Variants in AP3B2 observed in about 807,000 individuals in gnomAD.
The protein encoded by AP3B2 is AP-3 complex subunit beta-2.
AP3B2 carries 50 observed loss-of-function variants against 126.9 expected under a neutral mutation model. The observed-to-expected ratio is 0.39, with a 90% CI of 0.31 to 0.50. AP3B2 has a LOEUF of 0.50. Ranked by LOEUF, AP3B2 falls within the 20% of genes least tolerant of loss-of-function variation. The probability of loss-of-function intolerance (pLI) is 0.79; values close to 1 mark genes in which losing one functional copy is unlikely to be tolerated. For synonymous variants in AP3B2, 541 were observed against 565.0 expected (o/e 0.96, Z 0.60); for missense variants, 1,177 against 1,426.4 (o/e 0.83, Z 2.82).
Position 82,662,696 on chromosome 15 carries a change from A to C in AP3B2, c.2831T>G (p.Ile944Ser), listed in dbSNP as rs2047973681. ...ACCCCATCCAAAGCCCTTCGCACCA[A>C]TTTCGGGAAATTCTTGGATGCTGAT... ...AGISIQEFPE[I>S]ESLAPGESAT... The change falls in exon 23 of 27, where the codon ATT becomes AGT. Residue 944 changes from isoleucine (I) to serine (S), a missense_variant and splice_region_variant. By Grantham distance (142) the Ile-to-Ser change is moderately radical. Around this residue, in one of 5 missense-constraint regions of AP3B2, gnomAD observed 587 missense variants for 571.3 expected, o/e 1.03. Transcript: ENST00000535359. The C allele has an allele frequency of 6.2e-7, 1 of 1,611,798 alleles. No homozygotes were observed.
chr15:82,661,752 C>A, intron 25 of AP3B2, 73 bp downstream of exon 25: 2 of 1,296,434 alleles, frequency 1.5e-6, no homozygotes, highest in South Asian at 1.3e-5. Flanking sequence ...ACCATTCTCC[C>A]TACCATCCAA....
chr15:82,696,849 A>T (rs1038031814), intron 1 of AP3B2, among the ~76,000 whole-genome samples: 4 of 152,196 alleles, frequency 2.6e-5, no homozygotes, highest in Non-Finnish European at 5.9e-5. Flanking sequence ...CATGAAAAAA[A>T]TGTGTCTATA....
At position 82,663,794 on chromosome 15, in the gene AP3B2, C is replaced by T. The variant is rs1172927972; in HGVS notation, c.2436+7G>A. 3.7e-6 allele frequency: 6 copies of T among 1,610,914 alleles called. No homozygotes were observed. The South Asian group carries it at 6.6e-5, about 18-fold the overall frequency. ...AGCACACCCTGACTCTGCCCCAAGG[C>T]TCTCACTGTTTTCCTGCTCCAGGAG... On this transcript the variant is annotated splice_region_variant and intron_variant, in intron 20 of 26. Coordinates refer to ENST00000535359, the MANE Select transcript of AP3B2 (RefSeq NM_001278512.2).
chr15:82,664,369 C>G lies in AP3B2; in HGVS notation c.2259G>C (p.Glu753Asp). ...CATCTGGCTAGCTCCCTTCTCACCTCTCACTGCCTCTCCCTTTCTCCTCAT... is the reference window on the plus strand; with the variant it reads ...CATCTGGCTAGCTCCCTTCTCACCTGTCACTGCCTCTCCCTTTCTCCTCAT... ...DEDEEKGRGS[E>D]SEQSEEDGKR... Residue 753 changes from glutamate to aspartate, a missense_variant and splice_region_variant, in exon 19 of 27, where the codon GAG becomes GAC. Physicochemically the swap from Glu to Asp is conservative, Grantham distance 45. Around this residue, in one of 5 missense-constraint regions of AP3B2, gnomAD observed 587 missense variants for 571.3 expected, o/e 1.03. Transcript: ENST00000535359. The surrounding 1 kb of genome is among the most constrained non-coding windows in gnomAD (Gnocchi z 4.5). The G allele has an allele frequency of 3.7e-6, 6 of 1,613,922 alleles. No homozygotes were observed. Among genetic ancestry groups the G allele is most frequent in the Non-Finnish European group, 5.1e-6 (6 of 1,179,880 alleles).
chr15:82,673,769 ATTACC>A lies in AP3B2; in HGVS notation c.1665+2687_1665+2691del, dbSNP rs779464221. The stretch of plus-strand genomic sequence containing the variant: ...TCCAAATGTTCTATGATAAGCATGT[ATTACC>A]TTTAGCATATTAAAAAAAGTTTACG... On this transcript the variant is annotated intron_variant, in intron 14 of 26. Transcript: ENST00000535359. 1.6e-4 allele frequency among the ~76,000 whole-genome samples: 25 copies of A among 152,318 alleles called. No individual in the cohort carries two copies. The East Asian group carries it at 2.1e-3, about 13-fold the overall frequency.
intron 1 of AP3B2, among the ~76,000 whole-genome samples, chr15:82,690,192 C>G (rs897975445): frequency 6.6e-6 from 1 of 151,794 alleles, no homozygotes; most frequent in Non-Finnish European, 1.5e-5. Context: ...AGCTGTGAGA[C>G]AATTCATTTC....
intron 1 of AP3B2, among the ~76,000 whole-genome samples, chr15:82,703,909 C>G (rs1006655842): frequency 1.3e-5 from 2 of 152,140 alleles, no homozygotes; most frequent in Non-Finnish European, 2.9e-5. Flanking sequence ...CCCCACCAGG[C>G]TGAATCAGAC....
chr15:82,662,906 G>A lies in AP3B2; in HGVS notation c.2621C>T (p.Ser874Leu), dbSNP rs753128051. The change falls in exon 23 of 27, where the codon TCG becomes TTG. Residue 874 changes from serine to leucine, a missense_variant. Ser to Leu is a moderately radical substitution (Grantham distance 145, BLOSUM62 -2). This residue lies in a region of AP3B2 where 587 missense variants were observed against 571.3 expected (regional missense o/e 1.03). Transcript: ENST00000535359. Reference sequence around the variant, plus strand: ...CAGCAGCTCCTGCCGCCCAACACCCGATACTGGACTCAGAAGCTAGAGTGG... The same window carrying A: ...CAGCAGCTCCTGCCGCCCAACACCCAATACTGGACTCAGAAGCTAGAGTGG... ...TLVPSLLSPV[S>L]GVGRQELLHR... 17 of 1,612,820 alleles carry A rather than the reference G, an allele frequency of 1.1e-5. No individual in the cohort carries two copies. Among genetic ancestry groups the A allele is most frequent in the Admixed American group, 3.3e-5 (2 of 59,896 alleles).
chr15:82,664,732 G>T lies in AP3B2; in HGVS notation c.2137+103C>A, dbSNP rs1159796248. On this transcript the variant is annotated intron_variant, in intron 18 of 26. Coordinates refer to ENST00000535359, the MANE Select transcript of AP3B2 (RefSeq NM_001278512.2). The surrounding 1 kb of genome is among the most constrained non-coding windows in gnomAD (Gnocchi z 4.5). ...GTGCACAAACAATTCACAAGCAGGTGCACACCCCTAGACACACAACCATAT... is the reference window on the plus strand; with the variant it reads ...GTGCACAAACAATTCACAAGCAGGTTCACACCCCTAGACACACAACCATAT... 1 of 1,002,326 alleles carries T rather than the reference G, an allele frequency of 1.0e-6. No individual in the cohort carries two copies. Among genetic ancestry groups the T allele is most frequent in the Non-Finnish European group, 1.5e-6 (1 of 678,522 alleles). 62.1% of individuals were successfully genotyped at this position (1,002,326 alleles called of 1,614,324 possible).
chr15:82,709,024 CA>C (rs1257750113), intron 1 of AP3B2, among the ~76,000 whole-genome samples: 16 of 152,160 alleles, frequency 1.1e-4, no homozygotes, highest in African/African-American at 3.9e-4. Context: ...ACGAACGAAT[CA>C]AAGGTGGGGG....
intron 14 of AP3B2, among the ~76,000 whole-genome samples, chr15:82,670,092 A>T (rs1410029369): frequency 8.5e-6 from 1 of 116,970 alleles, no homozygotes; most frequent in African/African-American, 3.5e-5. Context: ...AAAAAAAAAA[A>T]TCAGTGGCTT....
chr15:82,697,872 C>G (rs2151457937), intron 1 of AP3B2: 1 of 152,458 alleles, frequency 6.6e-6, no homozygotes, highest in East Asian at 1.9e-4. Flanking sequence ...CAAACACAGA[C>G]CAGACTGTTG....
At chr15:82,688,145 T>C (rs1426463632) in intron 4 of AP3B2, 4 of 372,250 alleles carry the variant, frequency 1.1e-5, no homozygotes, top group South Asian at 6.3e-5. Flanking sequence ...AATAGAGGAG[T>C]TAATGGTTGT....
At chr15:82,692,855 G>A (rs994948395) in intron 1 of AP3B2, 1 of 151,686 alleles carries the variant, frequency 6.6e-6, no homozygotes, top group African/African-American at 2.4e-5. Context: ...TAAGGGTAAT[G>A]CTGAGCCAAT....
chr15:82,695,392 C>G (rs1192940689), intron 1 of AP3B2, among the ~76,000 whole-genome samples: 1 of 152,132 alleles, frequency 6.6e-6, no homozygotes, highest in Non-Finnish European at 1.5e-5. Context: ...AGCTGCTGTG[C>G]CCAGCTGAGG....
intron 14 of AP3B2, among the ~76,000 whole-genome samples, chr15:82,667,907 T>TC (rs557400525): frequency 3.8e-4 from 58 of 152,100 alleles, no homozygotes; most frequent in Non-Finnish European, 6.8e-4. Context: ...GGCCCAGGTC[T>TC]CCATGTTTCC....
At chr15:82,699,338 C>T (rs1417759124) in intron 1 of AP3B2, 2 of 250,296 alleles carry the variant, frequency 8.0e-6, no homozygotes, top group Non-Finnish European at 1.5e-5. Context: ...GAGCCCACTC[C>T]AGTGGGGGCC....
At chr15:82,663,349 G>T in intron 21 of AP3B2, 116 bp from the exon 22 acceptor site, 1 of 1,014,228 alleles carries the variant, frequency 9.9e-7, no homozygotes, top group Non-Finnish European at 1.5e-6. Flanking sequence ...GCACATGGCT[G>T]CCTGGAGGCT....
chr15:82,663,103 G>C (rs369859364), intron 22 of AP3B2, 24 bp downstream of exon 22: 2 of 1,584,960 alleles, frequency 1.3e-6, no homozygotes, highest in South Asian at 2.3e-5. Context: ...GCCCCAGCCC[G>C]GTCCCCTCCT....
Sources: allele counts gnomAD v4.1 joint callset (sites outside exome capture counted in the v4.1 genomes callset), GRCh38; gene constraint gnomAD v4.1.1; regional missense constraint gnomAD v4.1.1; non-coding constraint Gnocchi (gnomAD v3.1); transcripts MANE v1.5; gene names NCBI Gene and HGNC (gene_info 2026-07-23, HGNC 2026-07-21).